Variants in RAB40C observed in about 807,000 individuals in gnomAD.
The protein encoded by RAB40C is RAB40C, member RAS oncogene family, also known as ras-related protein Rab-40C.
A neutral mutation model predicts 28.1 loss-of-function variants in RAB40C; 8 were observed. The observed-to-expected ratio is 0.28, with a 90% CI of 0.17 to 0.51. The LOEUF (loss-of-function observed/expected upper bound fraction) is 0.51. Ranked by LOEUF, RAB40C falls within the 20% of genes least tolerant of loss-of-function variation. The pLI is 0.97. For synonymous variants in RAB40C, 201 were observed against 171.7 expected (o/e 1.17, Z -1.34); for missense variants, 288 against 405.9 (o/e 0.71, Z 2.50).
At chr16:620,906 C>T (rs995210756) in intron 3 of RAB40C, among the ~76,000 whole-genome samples, 2 of 152,088 alleles carry the variant, frequency 1.3e-5, no homozygotes, top group African/African-American at 4.8e-5. Flanking sequence ...CCAGTACAGT[C>T]GTGATTTCTG....
intron 3 of RAB40C, 54 bp downstream of exon 3, chr16:618,314 C>A: frequency 1.3e-6 from 2 of 1,515,030 alleles, no homozygotes; most frequent in East Asian, 2.3e-5. Context: ...TCTCCTGATT[C>A]TTTCTGAATG....
intron 3 of RAB40C, among the ~76,000 whole-genome samples, chr16:619,969 T>C (rs1363227967): frequency 3.9e-5 from 6 of 152,178 alleles, no homozygotes; most frequent in African/African-American, 1.2e-4. Flanking sequence ...AGCTCCCTCA[T>C]GGGAGCAGAA....
intron 1 of RAB40C, among the ~76,000 whole-genome samples, chr16:598,101 C>T (rs2036171727): frequency 6.6e-6 from 1 of 151,554 alleles, no homozygotes; most frequent in Non-Finnish European, 1.5e-5. Context: ...AAAAATTGGC[C>T]AGGCATGGTG....
Position 590,273 on chromosome 16 carries a change from G to GGGCGC in RAB40C, c.-18_-14dup, listed in dbSNP as rs999203922. 4 of 1,482,880 alleles carry GGGCGC rather than the reference G, an allele frequency of 2.7e-6. No individual in the cohort carries two copies. The African/African-American group carries it at 5.8e-5, about 22-fold the overall frequency. 91.9% of individuals were successfully genotyped at this position (1,482,880 alleles called of 1,614,324 possible). A position where few individuals can be genotyped will look rare whatever the true frequency, so the allele number is the denominator to read the frequency against. On this transcript the variant is annotated 5_prime_UTR_variant, in exon 1 of 6. Transcript: ENST00000248139. ...GGTGCTTCGGCAGGCGGCCGGCGCGGGGCGCAGGCGGCGCGGCCATGGGCT... is the reference window on the plus strand; with the variant it reads ...GGTGCTTCGGCAGGCGGCCGGCGCGGGGCGCGGCGCAGGCGGCGCGGCCATGGGCT...
intron 5 of RAB40C, among the ~76,000 whole-genome samples, chr16:626,783 C>A (rs1006953608): frequency 6.6e-6 from 1 of 152,174 alleles, no homozygotes; most frequent in Non-Finnish European, 1.5e-5. Context: ...ACTAAAAATA[C>A]AAAAATTAAC....
At chr16:608,360 A>G (rs2036409497) in intron 1 of RAB40C, among the ~76,000 whole-genome samples, 1 of 152,132 alleles carries the variant, frequency 6.6e-6, no homozygotes, top group African/African-American at 2.4e-5. Flanking sequence ...TCAAGGTGAG[A>G]TTTGGGCGGG....
intron 4 of RAB40C, 32 bp from the exon 5 acceptor site, chr16:625,867 G>C (rs374397085): frequency 7.0e-6 from 11 of 1,580,498 alleles, no homozygotes; most frequent in Non-Finnish European, 8.6e-6. Flanking sequence ...GGCACCCTGC[G>C]TTTGTGCGTC....
intron 1 of RAB40C, among the ~76,000 whole-genome samples, chr16:604,876 A>G (rs548973180): frequency 4.6e-4 from 70 of 152,304 alleles, no homozygotes; most frequent in African/African-American, 1.3e-3. Flanking sequence ...CCTGGCCAAC[A>G]TGGTGAAACC....
intron 1 of RAB40C, among the ~76,000 whole-genome samples, chr16:613,553 G>T (rs577115991): frequency 6.6e-6 from 1 of 152,256 alleles, no homozygotes; most frequent in Non-Finnish European, 1.5e-5. Context: ...ATCGTGGTGC[G>T]GTGGTGGCTT....
intron 1 of RAB40C, among the ~76,000 whole-genome samples, chr16:608,309 A>G (rs982366694): frequency 6.6e-6 from 1 of 152,212 alleles, no homozygotes; most frequent in African/African-American, 2.4e-5. Flanking sequence ...CCATGATTTA[A>G]TTATCTCCAT....
Position 590,194 on chromosome 16 carries a change from G to A in RAB40C, c.-98G>A. Reference sequence around the variant, plus strand: ...CCCACTCGGCCGCCGTGGGGCGGACGCAACGGGCGCAGGTGCGGGGCGCGG... The same window carrying A: ...CCCACTCGGCCGCCGTGGGGCGGACACAACGGGCGCAGGTGCGGGGCGCGG... On this transcript the variant is annotated 5_prime_UTR_variant, in exon 1 of 6. Coordinates refer to ENST00000248139, the MANE Select transcript of RAB40C (RefSeq NM_021168.5). 3 of 924,158 alleles carry A rather than the reference G, an allele frequency of 3.2e-6. No individual in the cohort carries two copies. The highest frequency in any genetic ancestry group is 4.0e-6 in the Non-Finnish European group (3 of 751,382). 57.2% of individuals were successfully genotyped at this position (924,158 alleles called of 1,614,324 possible).
chr16:611,643 T>A, intron 1 of RAB40C, among the ~76,000 whole-genome samples: 1 of 145,294 alleles, frequency 6.9e-6, no homozygotes, highest in Non-Finnish European at 1.5e-5. Flanking sequence ...ACAGCCGCCC[T>A]GGCCTGTAGA....
rs1371710939 is a variant in RAB40C at position 610,167 on chromosome 16, C to T, written c.143-7041C>T. Among the ~76,000 whole-genome samples the T allele has an allele frequency of 2.6e-5, 4 of 152,160 alleles. No individual in the cohort carries two copies. Among genetic ancestry groups the T allele is most frequent in the African/African-American group, 7.2e-5 (3 of 41,432 alleles). On this transcript the variant is annotated intron_variant, in intron 1 of 5. Coordinates refer to ENST00000248139, the MANE Select transcript of RAB40C (RefSeq NM_021168.5). The surrounding 1 kb of genome is among the most constrained non-coding windows in gnomAD (Gnocchi z 4.6). Reference sequence around the variant, plus strand: ...CGGTAGACAGAACCAGCAGCCGAGGCGCCGGTGGCTTTGCTCTGGTGGCAG... The same window carrying T: ...CGGTAGACAGAACCAGCAGCCGAGGTGCCGGTGGCTTTGCTCTGGTGGCAG...
intron 3 of RAB40C, among the ~76,000 whole-genome samples, chr16:620,619 C>G (rs1293448632): frequency 1.6e-5 from 2 of 126,028 alleles, no homozygotes; most frequent in Admixed American, 7.9e-5. Context: ...GGCATCCCAG[C>G]CCCCCCCGAC....
chr16:590,414 C>G lies in RAB40C; in HGVS notation c.123C>G (p.Ser41=). ...GCCTGCAGGACGGCGCGGCAGAGTC[C>G]CCGTACGCCTACAGTAACGGTAAGG... ...LESLQDGAAE[S]PYAYSNGIDY... is the part of the protein sequence containing the mutation. The change falls in exon 1 of 6, where the codon TCC becomes TCG. Residue 41 remains serine (S), a synonymous_variant. Transcript: ENST00000248139. The G allele has an allele frequency of 3.8e-6, 6 of 1,590,726 alleles. No homozygotes were observed. Among genetic ancestry groups the G allele is most frequent in the Middle Eastern group, 1.9e-4 (1 of 5,338 alleles).
chr16:625,358 C>T, intron 3 of RAB40C, 74 bp from the exon 4 acceptor site: 1 of 1,566,930 alleles, frequency 6.4e-7, no homozygotes, highest in Non-Finnish European at 8.8e-7. Flanking sequence ...GAGGCCCCTG[C>T]ACCTGAGCGT....
At position 624,302 on chromosome 16, in the gene RAB40C, A is replaced by G. The variant is rs374541279; in HGVS notation, c.265-1130A>G. On this transcript the variant is annotated intron_variant, in intron 3 of 5. Coordinates refer to ENST00000248139, the MANE Select transcript of RAB40C (RefSeq NM_021168.5). ...CCCCAGCAGCAAATGAGCCAGCCCC[A>G]GTCCCTGTGCCCCAACCTCCAGGGT... 2.5e-4 allele frequency: 249 copies of G among 985,444 alleles called. 2 individuals are homozygous for G. In the South Asian group the frequency reaches 9.7e-3, roughly 38 times the overall value. 61.0% of individuals were successfully genotyped at this position (985,444 alleles called of 1,614,324 possible).
intron 5 of RAB40C, among the ~76,000 whole-genome samples, chr16:627,068 C>T (rs1005823450): frequency 1.3e-5 from 2 of 152,238 alleles, no homozygotes; most frequent in Non-Finnish European, 2.9e-5. Context: ...CTGCATCATC[C>T]AGGCCAGGAA....
intron 1 of RAB40C, among the ~76,000 whole-genome samples, chr16:609,872 G>T (rs865776700): frequency 3.3e-5 from 5 of 152,156 alleles, no homozygotes; most frequent in Admixed American, 3.3e-4. Context: ...TGTGCCTGGA[G>T]GGGGGAGCTG....
Sources: allele counts gnomAD v4.1 joint callset (sites outside exome capture counted in the v4.1 genomes callset), GRCh38; gene constraint gnomAD v4.1.1; non-coding constraint Gnocchi (gnomAD v3.1); transcripts MANE v1.5; gene names NCBI Gene and HGNC (gene_info 2026-07-23, HGNC 2026-07-21).